The following ZNF578 variants were observed in gnomAD, a reference collection of about 807,000 sequenced individuals.
The protein encoded by ZNF578 is zinc finger protein 578, also known as Putative chemokine-related protein B42.
A neutral mutation model predicts 8.3 loss-of-function variants in ZNF578; 8 were observed. The ratio of observed to expected loss-of-function variants is 0.96; its 90% confidence interval spans 0.56 to 1.74. The LOEUF is 1.74. Ranked by LOEUF, ZNF578 falls within the 40% of genes most tolerant of loss-of-function variation. The pLI is 0.00. For missense variants in ZNF578, 726 were observed against 707.5 expected, an observed-to-expected ratio of 1.03 and a Z score of -0.30; for synonymous variants, 206 against 232.2, an observed-to-expected ratio of 0.89 and a Z score of 1.03.
intron 2 of ZNF578, among the ~76,000 whole-genome samples, chr19:52,477,846 C>CT (rs1568458625): frequency 6.6e-6 from 1 of 152,198 alleles, no homozygotes; most frequent in African/African-American, 2.4e-5. Flanking sequence ...TGTGAGGAAT[C>CT]TGACACTTGA....
chr19:52,464,014 T>G (rs1599882365), intron 2 of ZNF578, among the ~76,000 whole-genome samples: 1 of 152,256 alleles, frequency 6.6e-6, no homozygotes, highest in South Asian at 2.1e-4. Flanking sequence ...AAATGCCTGT[T>G]TAATTTGATT....
At position 52,511,830 on chromosome 19, in the gene ZNF578, C is replaced by A; in HGVS notation, c.1449C>A (p.Tyr483Ter). Residue 483 changes from tyrosine to a stop codon, truncating the protein, a stop_gained, in exon 6 of 6, where the codon TAC (tyrosine) becomes TAA (stop). Coordinates refer to ENST00000421239, the MANE Select transcript of ZNF578 (RefSeq NM_001099694.2). LOFTEE classifies it low-confidence loss of function (END_TRUNC). Reference sequence around the variant, plus strand: ...TAATTCATACTGGAGAGAAACCTTACAAGTGTAATGAGTGTCACAAGACCT... The same window carrying A: ...TAATTCATACTGGAGAGAAACCTTAAAAGTGTAATGAGTGTCACAAGACCT... The part of the protein sequence containing the change: ...HKIIHTGEKP[Y>*]KCNECHKTFS... 3 of 1,613,904 alleles carry A rather than the reference C, an allele frequency of 1.9e-6. No individual in the cohort carries two copies. Among genetic ancestry groups the A allele is most frequent in the Non-Finnish European group, 2.5e-6 (3 of 1,179,908 alleles).
chr19:52,480,900 GATAATAATAATA>G (rs57989857), intron 2 of ZNF578, among the ~76,000 whole-genome samples: 28,378 of 139,190 alleles, frequency 0.2, 3,036 homozygotes, highest in East Asian at 0.34. Context: ...CATCTCAAAA[GATAATAATAATA>G]ATAATAATAA....
rs749430180 is a variant in ZNF578 at position 52,511,959 on chromosome 19, T to G, written c.1578T>G (p.Leu526=). The change falls in exon 6 of 6, where the codon CTT becomes CTG. Residue 526 remains leucine (L), a synonymous_variant. Transcript: ENST00000421239. ...CGKTFNVQSH[L]SRHHRLHTGE... Reference sequence around the variant, plus strand: ...AGACTTTTAATGTACAGTCACACCTTTCACGTCATCATAGACTTCATACTG... The same window carrying G: ...AGACTTTTAATGTACAGTCACACCTGTCACGTCATCATAGACTTCATACTG... 27 of 1,614,106 alleles carry G rather than the reference T, an allele frequency of 1.7e-5. No homozygotes were observed. In the East Asian group the frequency reaches 6.0e-4, roughly 36 times the overall value.
At chr19:52,478,277 C>T (rs2059314383) in intron 2 of ZNF578, among the ~76,000 whole-genome samples, 1 of 152,206 alleles carries the variant, frequency 6.6e-6, no homozygotes, top group Non-Finnish European at 1.5e-5. Flanking sequence ...AGTACACTAG[C>T]TCTTAATTCC....
intron 2 of ZNF578, chr19:52,475,243 G>A (rs1167305143): frequency 9.0e-6 from 2 of 221,122 alleles, no homozygotes; most frequent in African/African-American, 2.3e-5. Context: ...TTTCCCTAAT[G>A]TGTGTTTTCT....
rs1440700042 is a variant in ZNF578 at position 52,511,469 on chromosome 19, G to T, written c.1088G>T (p.Arg363Ile). 4 of 1,614,010 alleles carry T rather than the reference G, an allele frequency of 2.5e-6. No homozygotes were observed. Among genetic ancestry groups the T allele is most frequent in the East Asian group, 2.2e-5 (1 of 44,888 alleles). ...AAGTCATCCCTTAGATGCCATCGTA[G>T]ACTTCATACTGGAATAAAACCTTAC... ...SYKSSLRCHRRLHTGIKPYKC... is the reference protein window; with the variant it reads ...SYKSSLRCHRILHTGIKPYKC... Residue 363 changes from arginine (R) to isoleucine (I), a missense_variant, in exon 6 of 6, where the codon AGA becomes ATA. Transcript: ENST00000421239.
chr19:52,509,748 C>G (rs1401108889), intron 5 of ZNF578, among the ~76,000 whole-genome samples: 2 of 152,076 alleles, frequency 1.3e-5, no homozygotes, highest in African/African-American at 4.8e-5. Flanking sequence ...AGCTGGAATG[C>G]AAGACTGTCT....
At chr19:52,499,267 TC>T (rs1212765253) in intron 3 of ZNF578, among the ~76,000 whole-genome samples, 1 of 152,150 alleles carries the variant, frequency 6.6e-6, no homozygotes, top group African/African-American at 2.4e-5. Context: ...AACTCAAATT[TC>T]AAATGAATTC....
intron 2 of ZNF578, among the ~76,000 whole-genome samples, chr19:52,478,840 T>G (rs1302060684): frequency 6.6e-6 from 1 of 151,974 alleles, no homozygotes; most frequent in Non-Finnish European, 1.5e-5. Context: ...CAGCCTCCCA[T>G]GTAGCTGGGA....
chr19:52,467,493 G>T lies in ZNF578; in HGVS notation c.-122+10535G>T, dbSNP rs74826240. Among the ~76,000 whole-genome samples the T allele has an allele frequency of 9.8e-3, 1,495 of 152,172 alleles. 18 individuals are homozygous for T. Among genetic ancestry groups the T allele is most frequent in the African/African-American group, 0.034 (1,401 of 41,502 alleles). On this transcript the variant is annotated intron_variant, in intron 2 of 5. Transcript: ENST00000421239. ...TAGCTGAGCGTGGTGGCACAAACCT[G>T]TAGTCCCACCTGCTTGGGAGGCGGA...
At chr19:52,484,417 G>C (rs1316969001) in intron 2 of ZNF578, among the ~76,000 whole-genome samples, 1 of 152,136 alleles carries the variant, frequency 6.6e-6, no homozygotes, top group South Asian at 2.1e-4. Context: ...CGGGCTAGGG[G>C]ATGGTCAGGT....
Position 52,512,102 on chromosome 19 carries a change from A to G in ZNF578, c.1721A>G (p.Lys574Arg), listed in dbSNP as rs370921304. The change falls in exon 6 of 6, where the codon AAG (lysine) becomes AGG (arginine). Residue 574 changes from lysine (K) to arginine (R), a missense_variant. Lys to Arg is a conservative substitution (Grantham distance 26, BLOSUM62 2). Transcript: ENST00000421239. Reference sequence around the variant, plus strand: ...CCTTACAAGTGTAATGAGTGTGGTAAGGCTCACAATCACTTGATTGATTCA... The same window carrying G: ...CCTTACAAGTGTAATGAGTGTGGTAGGGCTCACAATCACTTGATTGATTCA... ...EKPYKCNECG[K>R]AHNHLIDSSI... 1 of 1,613,580 alleles carries G rather than the reference A, an allele frequency of 6.2e-7. No homozygotes were observed. The highest frequency in any genetic ancestry group is 1.3e-5 in the African/African-American group (1 of 74,838).
intron 3 of ZNF578, among the ~76,000 whole-genome samples, chr19:52,499,917 TCATCTCCTA>T (rs1216606240): frequency 1.3e-5 from 2 of 152,090 alleles, no homozygotes; most frequent in Non-Finnish European, 2.9e-5. Context: ...CTCTCTGACC[TCATCTCCTA>T]CCTGTGCCCT....
chr19:52,487,957 C>A (rs939093285), intron 2 of ZNF578, among the ~76,000 whole-genome samples: 2 of 150,412 alleles, frequency 1.3e-5, no homozygotes, highest in Non-Finnish European at 3.0e-5. Context: ...ATAGCCCCCC[C>A]CCCTTTTTTT....
At position 52,516,874 on chromosome 19, in the gene ZNF578, T is replaced by C. The variant is rs937363709; in HGVS notation, c.*4720T>C. ...CAGGTGAAATAAACAGCCTCGTTGC[T>C]CACACAAAGCCTGTTTAGTGGTCTC... On this transcript the variant is annotated 3_prime_UTR_variant, in exon 6 of 6. Transcript: ENST00000421239. 2.0e-5 allele frequency among the ~76,000 whole-genome samples: 3 copies of C among 152,228 alleles called. No homozygotes were observed. The highest frequency in any genetic ancestry group is 7.2e-5 in the African/African-American group (3 of 41,452).
chr19:52,506,745 A>G (rs1568466657), intron 5 of ZNF578, among the ~76,000 whole-genome samples: 1 of 152,126 alleles, frequency 6.6e-6, no homozygotes, highest in Non-Finnish European at 1.5e-5. Flanking sequence ...AAGCCTGGCT[A>G]ATTTTTGTAT....
intron 3 of ZNF578, among the ~76,000 whole-genome samples, chr19:52,498,496 G>T (rs1417797677): frequency 6.6e-6 from 1 of 151,808 alleles, no homozygotes; most frequent in Non-Finnish European, 1.5e-5. Context: ...CACACCCAGA[G>T]AATTTTTTGC....
chr19:52,498,755 G>A (rs1422076736), intron 3 of ZNF578, among the ~76,000 whole-genome samples: 1 of 144,288 alleles, frequency 6.9e-6, no homozygotes, highest in Admixed American at 7.1e-5. Flanking sequence ...GAACAATCTT[G>A]GATCACTGCA....
Sources: gnomAD v4.1 joint callset for allele counts (sites outside exome capture counted in the v4.1 genomes callset) on GRCh38, gnomAD v4.1.1 for gene constraint, MANE v1.5 for transcripts, NCBI Gene and HGNC (gene_info 2026-07-23, HGNC 2026-07-21) for gene names.